Variants in ZNF319 observed in about 807,000 individuals in gnomAD.
ZNF319 encodes the protein zinc finger protein 319.
ZNF319 carries 15 observed loss-of-function variants against 46.0 expected under a neutral mutation model. The observed-to-expected ratio is 0.33, with a 90% confidence interval of 0.22 to 0.50. ZNF319 has a LOEUF of 0.50. ZNF319 is among the 20% of genes least tolerant of loss of function. The probability of loss-of-function intolerance (pLI) is 0.98; values close to 1 mark genes in which losing one functional copy is unlikely to be tolerated. For missense variants in ZNF319, 635 were observed against 807.0 expected (o/e 0.79, Z 2.58); for synonymous variants, 368 against 364.0 (o/e 1.01, Z -0.13).
chr16:57,998,009 G>C lies in ZNF319; in HGVS notation c.257C>G (p.Ala86Gly). ...PKCGVCGHDL[A>G]HLSSPHEHQC... The stretch of plus-strand genomic sequence containing the variant: ...GTGCTCATGCGGACTGGACAGGTGC[G>C]CCAGGTCGTGACCACACACGCCACA... The change falls in exon 2 of 2, where the codon GCG becomes GGG. Residue 86 changes from alanine to glycine, a missense_variant. By Grantham distance (60) the Ala-to-Gly change is moderately conservative. Around this residue, in one of 3 missense-constraint regions of ZNF319, gnomAD observed 227 missense variants for 277.5 expected, o/e 0.82. Coordinates refer to ENST00000299237, the MANE Select transcript of ZNF319 (RefSeq NM_020807.3). 6.2e-7 allele frequency: 1 copy of C among 1,612,508 alleles called. No homozygotes were observed. Among genetic ancestry groups the C allele is most frequent in the Non-Finnish European group, 8.5e-7 (1 of 1,180,030 alleles).
chr16:57,996,084 C>T lies in ZNF319; in HGVS notation c.*433G>A. ...TACACCTAGCCCACCTCTGGGGCCC[C>T]AGCCCCACCATGAGCCTCCGCTTTC... On this transcript the variant is annotated 3_prime_UTR_variant, in exon 2 of 2. Transcript: ENST00000299237. The T allele has an allele frequency of 5.6e-6, 1 of 179,202 alleles. No homozygotes were observed. Among genetic ancestry groups the T allele is most frequent in the South Asian group, 1.5e-4 (1 of 6,808 alleles). 11.1% of individuals were successfully genotyped at this position (179,202 alleles called of 1,614,324 possible). A position where few individuals can be genotyped will look rare whatever the true frequency, so the allele number is the denominator to read the frequency against.
At position 58,000,644 on chromosome 16, in the gene ZNF319, G is replaced by A. The variant is rs1963155841; in HGVS notation, c.-1409C>T. Among the ~76,000 whole-genome samples the A allele has an allele frequency of 6.7e-6, 1 of 149,500 alleles. No individual in the cohort carries two copies. The highest frequency in any genetic ancestry group is 1.5e-5 in the Non-Finnish European group (1 of 67,018). On this transcript the variant is annotated 5_prime_UTR_variant, in exon 1 of 2. Coordinates refer to ENST00000299237, the MANE Select transcript of ZNF319 (RefSeq NM_020807.3). The surrounding 1 kb of genome is among the most constrained non-coding windows in gnomAD (Gnocchi z 4.5). ...GCGAGGAGCGCCGGGAGGGCGGGCG[G>A]ACGGACCGATGGCCTTGCGGAGACG...
rs1400130915 is a variant in ZNF319 at position 57,999,612 on chromosome 16, C to G, written c.-377G>C. 1 of 152,288 alleles carries G rather than the reference C, an allele frequency of 6.6e-6. No individual in the cohort carries two copies. Among genetic ancestry groups the G allele is most frequent in the Non-Finnish European group, 1.5e-5 (1 of 68,068 alleles). 9.4% of individuals were successfully genotyped at this position (152,288 alleles called of 1,614,324 possible). A position where few individuals can be genotyped will look rare whatever the true frequency, so the allele number is the denominator to read the frequency against. On this transcript the variant is annotated 5_prime_UTR_variant, in exon 1 of 2. Coordinates refer to ENST00000299237, the MANE Select transcript of ZNF319 (RefSeq NM_020807.3). ...ACATTTAAAAGTTTGTAAGTTTTCT[C>G]CTGAGCAGAGGAAGAAGGAAGGAGA...
chr16:57,998,678 A>C (rs1340796790), intron 1 of ZNF319, among the ~76,000 whole-genome samples, 156 bp from the exon 2 acceptor site: 6 of 152,132 alleles, frequency 3.9e-5, no homozygotes, highest in Non-Finnish European at 5.9e-5. Context: ...CTTCTTAGGC[A>C]ATCAGAGAGG....
Position 57,998,413 on chromosome 16 carries a change from G to A in ZNF319, c.-148C>T. 7.5e-7 allele frequency: 1 copy of A among 1,328,272 alleles called. No individual in the cohort carries two copies. Among genetic ancestry groups the A allele is most frequent in the Non-Finnish European group, 1.0e-6 (1 of 984,034 alleles). 82.3% of individuals were successfully genotyped at this position (1,328,272 alleles called of 1,614,324 possible). A position where few individuals can be genotyped will look rare whatever the true frequency, so the allele number is the denominator to read the frequency against. Reference sequence around the variant, plus strand: ...AAGAGGGGCTGGTCAGACAGCCCGAGTCAGTAACCAAGCGGACAGACTACA... The same window carrying A: ...AAGAGGGGCTGGTCAGACAGCCCGAATCAGTAACCAAGCGGACAGACTACA... On this transcript the variant is annotated 5_prime_UTR_variant, in exon 2 of 2. Coordinates refer to ENST00000299237, the MANE Select transcript of ZNF319 (RefSeq NM_020807.3).
At position 57,996,250 on chromosome 16, in the gene ZNF319, A is replaced by AT; in HGVS notation, c.*266_*267insA. 1 of 544,544 alleles carries AT rather than the reference A, an allele frequency of 1.8e-6. No individual in the cohort carries two copies. The highest frequency in any genetic ancestry group is 3.2e-5 in the East Asian group (1 of 31,380). 33.7% of individuals were successfully genotyped at this position (544,544 alleles called of 1,614,324 possible). ...AAGGGGGGTGCTGATGGCTCTCAAG[A>AT]AAGTGAATCTTGTCATGGGAAAGAG... On this transcript the variant is annotated 3_prime_UTR_variant, in exon 2 of 2. Coordinates refer to ENST00000299237, the MANE Select transcript of ZNF319 (RefSeq NM_020807.3).
In ZNF319 at chr16:57,994,796, T is replaced by C. The variant is rs1476295898; in HGVS notation, c.*1721A>G. Reference sequence around the variant, plus strand: ...AAAAATCCAAATCCTCACATTTTTATATAAGATCCAAAATGACATGAAATT... The same window carrying C: ...AAAAATCCAAATCCTCACATTTTTACATAAGATCCAAAATGACATGAAATT... On this transcript the variant is annotated 3_prime_UTR_variant, in exon 2 of 2. Coordinates refer to ENST00000299237, the MANE Select transcript of ZNF319 (RefSeq NM_020807.3). The C allele has an allele frequency of 6.6e-6, 1 of 152,252 alleles. No homozygotes were observed. The highest frequency in any genetic ancestry group is 1.5e-5 in the Non-Finnish European group (1 of 68,052). The allele number at this position is 152,252 out of a possible 1,614,324, so 9.4% of individuals were successfully genotyped here.
chr16:57,996,560 G>C lies in ZNF319; in HGVS notation c.1706C>G (p.Ala569Gly). The C allele has an allele frequency of 6.4e-7, 1 of 1,568,636 alleles. No individual in the cohort carries two copies. The highest frequency in any genetic ancestry group is 8.6e-7 in the Non-Finnish European group (1 of 1,164,030). ...TACCTGGTAGGCGCCCTCCGCTGCC[G>C]CGGCGGCGGCACTGTGCTGCGCGCT... Reference protein sequence around the residue: ...EHSAQHSAAAAAAEGAYQVAA... With the variant: ...EHSAQHSAAAGAAEGAYQVAA... Residue 569 changes from alanine (A) to glycine (G), a missense_variant, in exon 2 of 2, where the codon GCG becomes GGG. Around this residue, in one of 3 missense-constraint regions of ZNF319, gnomAD observed 270 missense variants for 281.4 expected, o/e 0.96. Coordinates refer to ENST00000299237, the MANE Select transcript of ZNF319 (RefSeq NM_020807.3).
At position 57,997,672 on chromosome 16, in the gene ZNF319, G is replaced by A. The variant is rs762844586; in HGVS notation, c.594C>T (p.Ala198=). The part of the protein sequence containing the change: ...APSTVTPAEQ[A]DKPYSCPICQ... ...AGATGGGGCAGCTGTAGGGCTTGTC[G>A]GCCTGTTCAGCAGGGGTGACAGTGG... Residue 198 remains alanine (A), a synonymous_variant, in exon 2 of 2, where the codon GCC becomes GCT. Transcript: ENST00000299237. 5.0e-6 allele frequency: 8 copies of A among 1,613,960 alleles called. No individual in the cohort carries two copies. The East Asian group carries it at 1.1e-4, about 22-fold the overall frequency.
chr16:57,996,498 A>G lies in ZNF319; in HGVS notation c.*19T>C. On this transcript the variant is annotated 3_prime_UTR_variant, in exon 2 of 2. Transcript: ENST00000299237. ...CGGCGCCGACTCAGGTCAGGCTGGT[A>G]GGGGCCACAGCCGCAGAGTCAGGGC... The G allele has an allele frequency of 6.7e-7, 1 of 1,501,100 alleles. No homozygotes were observed. The highest frequency in any genetic ancestry group is 8.9e-7 in the Non-Finnish European group (1 of 1,128,854). The allele number at this position is 1,501,100 out of a possible 1,614,324, so 93.0% of individuals were successfully genotyped here.
In ZNF319 at chr16:57,998,225, T is replaced by G; in HGVS notation, c.41A>C (p.Gln14Pro). 1 of 1,531,704 alleles carries G rather than the reference T, an allele frequency of 6.5e-7. No individual in the cohort carries two copies. The highest frequency in any genetic ancestry group is 8.8e-7 in the Non-Finnish European group (1 of 1,139,080). The allele number at this position is 1,531,704 out of a possible 1,614,324, so 94.9% of individuals were successfully genotyped here. Residue 14 changes from glutamine (Q) to proline (P), a missense_variant, in exon 2 of 2, where the codon CAG (glutamine) becomes CCG (proline). Around this residue, in one of 3 missense-constraint regions of ZNF319, gnomAD observed 227 missense variants for 277.5 expected, o/e 0.82. Transcript: ENST00000299237. ...CTGAGGCTGCGGTGGCTGTGGCTGC[T>G]GCGGCTGCGTCTGTGGCGGCTGTTG... The part of the protein sequence containing the change: ...SWQQPPQTQP[Q>P]QPQPPQPQHH...
Position 57,999,813 on chromosome 16 carries a change from G to A in ZNF319, c.-578C>T, listed in dbSNP as rs1377366558. The A allele has an allele frequency of 6.6e-6, 1 of 152,494 alleles. No homozygotes were observed. Among genetic ancestry groups the A allele is most frequent in the Non-Finnish European group, 1.5e-5 (1 of 68,236 alleles). 9.4% of individuals were successfully genotyped at this position (152,494 alleles called of 1,614,324 possible). ...TACCACTCTAAGCCTTCTCGGGACAGAGAGGGGGAAGGTGGGCTTCTCTGA... is the reference window on the plus strand; with the variant it reads ...TACCACTCTAAGCCTTCTCGGGACAAAGAGGGGGAAGGTGGGCTTCTCTGA... On this transcript the variant is annotated 5_prime_UTR_variant, in exon 1 of 2. Transcript: ENST00000299237.
In ZNF319 at chr16:57,996,569, G is replaced by T. The variant is rs760334223; in HGVS notation, c.1697C>A (p.Ala566Asp). Residue 566 changes from alanine to aspartate, a missense_variant, in exon 2 of 2, where the codon GCC becomes GAC. Transcript: ENST00000299237. ...LLQEHSAQHS[A>D]AAAAAEGAYQ... is the part of the protein sequence containing the mutation. ...GGCGCCCTCCGCTGCCGCGGCGGCG[G>T]CACTGTGCTGCGCGCTGTGCTCCTG... The T allele has an allele frequency of 1.9e-6, 3 of 1,584,144 alleles. No individual in the cohort carries two copies. The highest frequency in any genetic ancestry group is 2.3e-5 in the South Asian group (2 of 88,458).
rs1315625121 is a variant in ZNF319, at chr16:57,994,982, G to A, written c.*1535C>T. On this transcript the variant is annotated 3_prime_UTR_variant, in exon 2 of 2. Transcript: ENST00000299237. ...AGGGGAAGGACCAGCCCCTCCCTGT[G>A]GCCACAGGAAGGAACTCAGTCAGAC... 1 of 152,176 alleles carries A rather than the reference G, an allele frequency of 6.6e-6. No homozygotes were observed. Among genetic ancestry groups the A allele is most frequent in the Non-Finnish European group, 1.5e-5 (1 of 68,028 alleles). The allele number at this position is 152,176 out of a possible 1,614,324, so 9.4% of individuals were successfully genotyped here.
chr16:57,999,239 T>TCACACACACACACACACA (rs60708700), intron 1 of ZNF319, among the ~76,000 whole-genome samples: 31 of 145,762 alleles, frequency 2.1e-4, no homozygotes, highest in South Asian at 4.5e-4. Context: ...CTCCCAGAAC[T>TCACACACACACACACACA]CACACACACA....
chr16:57,994,689 A>G lies in ZNF319; in HGVS notation c.*1828T>C, dbSNP rs772982779. 3 of 152,252 alleles carry G rather than the reference A, an allele frequency of 2.0e-5. No homozygotes were observed. Among genetic ancestry groups the G allele is most frequent in the African/African-American group, 4.8e-5 (2 of 41,450 alleles). 9.4% of individuals were successfully genotyped at this position (152,252 alleles called of 1,614,324 possible). On this transcript the variant is annotated 3_prime_UTR_variant, in exon 2 of 2. Transcript: ENST00000299237. The stretch of plus-strand genomic sequence containing the variant: ...GCAGTGCAGTGGTCTGTGACGGTCA[A>G]TGTCTTTACTTCTAAAGCATACATT...
In ZNF319 at chr16:57,998,224, C is replaced by T; in HGVS notation, c.42G>A (p.Gln14=). The change falls in exon 2 of 2, where the codon CAG becomes CAA. Residue 14 remains glutamine, a synonymous_variant. Transcript: ENST00000299237. ...SWQQPPQTQP[Q]QPQPPQPQHH... ...GCTGAGGCTGCGGTGGCTGTGGCTG[C>T]TGCGGCTGCGTCTGTGGCGGCTGTT... The T allele has an allele frequency of 6.5e-7, 1 of 1,531,642 alleles. No homozygotes were observed. Among genetic ancestry groups the T allele is most frequent in the Non-Finnish European group, 8.8e-7 (1 of 1,139,144 alleles). 94.9% of individuals were successfully genotyped at this position (1,531,642 alleles called of 1,614,324 possible). A position where few individuals can be genotyped will look rare whatever the true frequency, so the allele number is the denominator to read the frequency against.
rs1346401451 is a variant in ZNF319 at position 57,998,148 on chromosome 16, T to C, written c.118A>G (p.Thr40Ala). ...GCACAGCCCAGGGGGTTCTCCGCCG[T>C]GCCCGGAGGCAGCGTGTGCTCTGCC... ...ALAEHTLPPG[T>A]AENPLGCAVY... is the part of the protein sequence containing the mutation. The change falls in exon 2 of 2, where the codon ACG becomes GCG. Residue 40 changes from threonine to alanine, a missense_variant. By Grantham distance (58) the Thr-to-Ala change is moderately conservative (BLOSUM62 0). Coordinates refer to ENST00000299237, the MANE Select transcript of ZNF319 (RefSeq NM_020807.3). 6.3e-7 allele frequency: 1 copy of C among 1,582,548 alleles called. No individual in the cohort carries two copies. The highest frequency in any genetic ancestry group is 8.6e-7 in the Non-Finnish European group (1 of 1,160,042).
intron 1 of ZNF319, among the ~76,000 whole-genome samples, chr16:57,999,239 T>TCACACACACA (rs60708700): frequency 0.029 from 4,291 of 145,702 alleles, 140 homozygotes; most frequent in African/African-American, 0.075. Flanking sequence ...CTCCCAGAAC[T>TCACACACACA]CACACACACA....
Sources: allele counts gnomAD v4.1 joint callset (sites outside exome capture counted in the v4.1 genomes callset), GRCh38; gene constraint gnomAD v4.1.1; regional missense constraint gnomAD v4.1.1; non-coding constraint Gnocchi (gnomAD v3.1); transcripts MANE v1.5; gene names NCBI Gene and HGNC (gene_info 2026-07-23, HGNC 2026-07-21).